Variants in FRK observed in about 807,000 individuals in gnomAD.
FRK encodes fyn related Src family tyrosine kinase, also known as tyrosine-protein kinase FRK.
FRK carries 51 observed loss-of-function variants against 56.4 expected under a neutral mutation model. The observed-to-expected ratio is 0.90, with a 90% CI of 0.72 to 1.14. FRK has a LOEUF of 1.14. Ranked by LOEUF, FRK falls within the 50% of genes most tolerant of loss-of-function variation. FRK has a pLI of 0.00. For synonymous variants in FRK, 245 were observed against 217.9 expected (o/e 1.12, Z -1.10); for missense variants, 570 against 601.4 (o/e 0.95, Z 0.55).
At chr6:116,066,583 T>C in the FRK span, among the ~76,000 whole-genome samples, 1 of 152,156 alleles carries the variant, frequency 6.6e-6, no homozygotes, top group Non-Finnish European at 1.5e-5. Flanking sequence ...TAGCTTCCCA[T>C]TGCACTTATG....
intron 4 of FRK, among the ~76,000 whole-genome samples, chr6:115,967,330 CAATCAGCGAT>C (rs923396304): frequency 4.6e-5 from 7 of 152,082 alleles, no homozygotes; most frequent in African/African-American, 1.4e-4. Flanking sequence ...TCAGACTCTT[CAATCAGCGAT>C]ATTTTAAGAC....
At chr6:116,087,509 T>G in the FRK span, among the ~76,000 whole-genome samples, 5 of 152,354 alleles carry the variant, frequency 3.3e-5, no homozygotes, top group South Asian at 1.0e-3. Flanking sequence ...TTCACCATTT[T>G]CTATGTGAGT....
intron 1 of FRK, among the ~76,000 whole-genome samples, chr6:116,036,391 A>G (rs1298727184): frequency 2.0e-5 from 3 of 152,120 alleles, no homozygotes; most frequent in Non-Finnish European, 2.9e-5. Context: ...TTATACCCCT[A>G]TTTCTATACA....
At chr6:116,002,605 A>G in intron 2 of FRK, 2 of 422,796 alleles carry the variant, frequency 4.7e-6, no homozygotes, top group Non-Finnish European at 9.8e-6. Flanking sequence ...ACTCCGTCTC[A>G]AAAAAACAAA....
chr6:115,975,529 T>G (rs116437031), intron 2 of FRK, among the ~76,000 whole-genome samples: 67 of 152,314 alleles, frequency 4.4e-4, no homozygotes, highest in Middle Eastern at 3.4e-3. Flanking sequence ...TTCAGGTGTC[T>G]CAGAACCAGA....
the FRK span, among the ~76,000 whole-genome samples, chr6:116,067,866 C>A: frequency 2.0e-5 from 3 of 152,176 alleles, no homozygotes; most frequent in Non-Finnish European, 4.4e-5. Context: ...TTAATGGAAA[C>A]TTTTTCAGGC....
chr6:116,050,986 G>T (rs1198911613), intron 1 of FRK, among the ~76,000 whole-genome samples: 3 of 152,066 alleles, frequency 2.0e-5, no homozygotes, highest in Non-Finnish European at 4.4e-5. Context: ...TTATTATTCA[G>T]AAATGGTAAA....
intron 3 of FRK, among the ~76,000 whole-genome samples, chr6:115,967,955 G>T (rs1172864555): frequency 6.6e-6 from 1 of 152,062 alleles, no homozygotes; most frequent in Non-Finnish European, 1.5e-5. Context: ...CTACCTGTCT[G>T]ATCCCATACC....
At chr6:115,982,535 C>T (rs1263214191) in intron 2 of FRK, among the ~76,000 whole-genome samples, 1 of 152,136 alleles carries the variant, frequency 6.6e-6, no homozygotes, top group Non-Finnish European at 1.5e-5. Context: ...AGGTAACATA[C>T]AAGTAAACAC....
At chr6:115,958,868 A>AAT (rs1423826904) in intron 4 of FRK, among the ~76,000 whole-genome samples, 2 of 151,906 alleles carry the variant, frequency 1.3e-5, no homozygotes, top group African/African-American at 4.8e-5. Context: ...TTATATATAC[A>AAT]ATATATATTT....
At chr6:115,962,329 T>A (rs1206817639) in intron 4 of FRK, among the ~76,000 whole-genome samples, 2 of 151,448 alleles carry the variant, frequency 1.3e-5, no homozygotes, top group African/African-American at 2.4e-5. Flanking sequence ...AGGGATCAAT[T>A]CAACAAGAGA....
At chr6:115,957,343 T>G (rs1456454631) in intron 4 of FRK, among the ~76,000 whole-genome samples, 4 of 152,218 alleles carry the variant, frequency 2.6e-5, no homozygotes, top group Non-Finnish European at 5.9e-5. Context: ...ATGCAAGGTG[T>G]CAAGTAGTTG....
chr6:115,955,130 C>A (rs1372830628), intron 5 of FRK, among the ~76,000 whole-genome samples: 1 of 151,788 alleles, frequency 6.6e-6, no homozygotes, highest in Non-Finnish European at 1.5e-5. Context: ...AATAAGGGAA[C>A]TAGTGACGTT....
chr6:116,071,064 C>T, the FRK span, among the ~76,000 whole-genome samples: 4 of 152,082 alleles, frequency 2.6e-5, no homozygotes, highest in African/African-American at 9.7e-5. Flanking sequence ...TGCCTTGGGC[C>T]TTGGAAGATA....
intron 2 of FRK, among the ~76,000 whole-genome samples, chr6:115,979,999 A>C (rs893352906): frequency 1.3e-5 from 2 of 152,176 alleles, no homozygotes; most frequent in African/African-American, 2.4e-5. Context: ...TATTAAAATG[A>C]GAGAGAAATT....
chr6:115,970,674 G>C (rs1436810194), intron 2 of FRK, among the ~76,000 whole-genome samples: 3 of 152,188 alleles, frequency 2.0e-5, no homozygotes, highest in African/African-American at 7.2e-5. Context: ...TGAGATGGAA[G>C]AATTGCTTGA....
At chr6:115,949,447 A>G (rs534621639) in intron 5 of FRK, among the ~76,000 whole-genome samples, 2 of 152,180 alleles carry the variant, frequency 1.3e-5, no homozygotes, top group Admixed American at 1.3e-4. Context: ...TTTTATTTTG[A>G]CATATGTTCT....
the FRK span, among the ~76,000 whole-genome samples, chr6:116,099,115 A>G: frequency 6.6e-6 from 1 of 152,166 alleles, no homozygotes; most frequent in African/African-American, 2.4e-5. Context: ...TTGGTTATCG[A>G]CCCAGGGGTC....
chr6:116,069,700 A>G, the FRK span, among the ~76,000 whole-genome samples: 1 of 152,198 alleles, frequency 6.6e-6, no homozygotes, highest in South Asian at 2.1e-4. Context: ...GTCATTCTGC[A>G]CTAGAGCAGG....
Sources: gnomAD v4.1 joint callset for allele counts (sites outside exome capture counted in the v4.1 genomes callset) on GRCh38, gnomAD v4.1.1 for gene constraint, MANE v1.5 for transcripts, NCBI Gene and HGNC (gene_info 2026-07-23, HGNC 2026-07-21) for gene names.